The following ZNF438 variants were observed in gnomAD, a reference collection of about 807,000 sequenced individuals.
ZNF438 encodes zinc finger protein 438.
ZNF438 carries 25 observed loss-of-function variants against 38.0 expected under a neutral mutation model. The ratio of observed to expected loss-of-function variants is 0.66; its 90% CI spans 0.48 to 0.92. The LOEUF is 0.92. Ranked by LOEUF, ZNF438 falls within the 40% of genes least tolerant of loss-of-function variation. The pLI is 0.00. For missense variants in ZNF438, 1,007 were observed against 999.6 expected (o/e 1.01, Z -0.10); for synonymous variants, 372 against 364.1 (o/e 1.02, Z -0.25).
chr10:30,896,454 A>G (rs2041363627), intron 3 of ZNF438, among the ~76,000 whole-genome samples: 1 of 152,230 alleles, frequency 6.6e-6, no homozygotes. Flanking sequence ...ATATATACAT[A>G]CAATGGATTA....
At chr10:30,915,092 A>C (rs909122033) in intron 2 of ZNF438, among the ~76,000 whole-genome samples, 15 of 152,180 alleles carry the variant, frequency 9.9e-5, no homozygotes, top group Admixed American at 8.5e-4. Flanking sequence ...AAATATCATA[A>C]ATCATTTGAC....
intron 3 of ZNF438, among the ~76,000 whole-genome samples, chr10:30,891,472 T>G (rs890355380): frequency 7.9e-5 from 12 of 152,316 alleles, no homozygotes; most frequent in Non-Finnish European, 1.6e-4. Context: ...TAATTAAGTT[T>G]ATTTGATTTG....
chr10:30,872,425 CAAAAAAAAAAAAAA>C (rs566401687), intron 4 of ZNF438, among the ~76,000 whole-genome samples: 9 of 58,688 alleles, frequency 1.5e-4, no homozygotes, highest in South Asian at 7.6e-4. Context: ...GACTCTGTCT[CAAAAAAAAAAAAAA>C]AAAAAAAAAA....
rs963681683 is a variant in ZNF438 at position 30,859,330 on chromosome 10, A to C, written c.38-8963T>G. Among the ~76,000 whole-genome samples, 11 of 152,140 alleles carry C rather than the reference A, an allele frequency of 7.2e-5. 1 individual carries two copies. The highest frequency in any genetic ancestry group is 2.1e-4 in the South Asian group (1 of 4,820). On this transcript the variant is annotated intron_variant, in intron 4 of 5. Coordinates refer to ENST00000413025, the Ensembl canonical transcript of ZNF438. ...TGGACTTAAGCAATCCACCTGCCTCAGCCTCCCAAAGTGCTGTGATTACAG... is the reference window on the plus strand; with the variant it reads ...TGGACTTAAGCAATCCACCTGCCTCCGCCTCCCAAAGTGCTGTGATTACAG...
chr10:30,881,103 C>T (rs2039189768), intron 3 of ZNF438, among the ~76,000 whole-genome samples: 1 of 152,206 alleles, frequency 6.6e-6, no homozygotes. Flanking sequence ...ATTCTCACCA[C>T]TTCTATTCAA....
At chr10:31,009,842 C>CTTTTTTTTTT (rs34508005) in intron 1 of ZNF438, among the ~76,000 whole-genome samples, 1 of 116,312 alleles carries the variant, frequency 8.6e-6, no homozygotes, top group African/African-American at 3.2e-5. Context: ...CTTATCAATT[C>CTTTTTTTTTT]TTTTTTTTTT....
chr10:30,856,039 G>A (rs944634113), intron 4 of ZNF438, among the ~76,000 whole-genome samples: 1 of 152,198 alleles, frequency 6.6e-6, no homozygotes, highest in Non-Finnish European at 1.5e-5. Flanking sequence ...AGTTGAATCA[G>A]TTTTAAAAAG....
chr10:31,022,819 C>G (rs1455407299), intron 1 of ZNF438, among the ~76,000 whole-genome samples: 1 of 152,166 alleles, frequency 6.6e-6, no homozygotes, highest in Admixed American at 6.5e-5. Flanking sequence ...AGCATCTCGA[C>G]AACTATTTGA....
At position 30,929,333 on chromosome 10, in the gene ZNF438, C is replaced by T. The variant is rs149080298; in HGVS notation, c.-115+12242G>A. ...TGTTCAGATGTGTTCGGACTTCCTTCTGGTGGGTTCGTGGTCTGGCTGGTT... is the reference window on the plus strand; with the variant it reads ...TGTTCAGATGTGTTCGGACTTCCTTTTGGTGGGTTCGTGGTCTGGCTGGTT... On this transcript the variant is annotated intron_variant, in intron 2 of 5. Coordinates refer to ENST00000413025, the Ensembl canonical transcript of ZNF438. Among the ~76,000 whole-genome samples the T allele has an allele frequency of 7.7e-4, 117 of 152,264 alleles. 1 individual carries two copies. Among genetic ancestry groups the T allele is most frequent in the Non-Finnish European group, 1.3e-3 (91 of 68,032 alleles).
chr10:30,862,672 T>C (rs866314472), intron 4 of ZNF438, among the ~76,000 whole-genome samples: 16 of 152,306 alleles, frequency 1.1e-4, no homozygotes, highest in African/African-American at 3.8e-4. Flanking sequence ...TGACAGTTGG[T>C]GAAGAAAACC....
chr10:30,932,566 A>T (rs1160617797), intron 2 of ZNF438, among the ~76,000 whole-genome samples: 1 of 152,210 alleles, frequency 6.6e-6, no homozygotes, highest in Non-Finnish European at 1.5e-5. Context: ...AGCTTACCCA[A>T]GATCACATAG....
chr10:31,006,452 G>C (rs868162810), intron 1 of ZNF438, among the ~76,000 whole-genome samples: 1 of 152,152 alleles, frequency 6.6e-6, no homozygotes, highest in South Asian at 2.1e-4. Context: ...GGGAGGGCAA[G>C]GGAGTTCCTT....
chr10:30,849,594 T>C (rs2033132171), exon 5 of ZNF438: 1 of 1,614,050 alleles, frequency 6.2e-7, no homozygotes, highest in South Asian at 1.1e-5. Context: ...GGTGATAAAT[T>C]GGTCATGGTT....
At chr10:30,879,737 C>A (rs944952833) in intron 3 of ZNF438, among the ~76,000 whole-genome samples, 1 of 151,680 alleles carries the variant, frequency 6.6e-6, no homozygotes, top group African/African-American at 2.4e-5. Context: ...ATTAGCAAAT[C>A]TGAAGGCACA....
chr10:30,901,463 G>C (rs2041975418), intron 3 of ZNF438, among the ~76,000 whole-genome samples: 1 of 151,900 alleles, frequency 6.6e-6, no homozygotes, highest in East Asian at 1.9e-4. Flanking sequence ...TTGTTAGCTA[G>C]CCCTTTCCCA....
At chr10:30,870,342 G>A (rs1211819401) in intron 4 of ZNF438, among the ~76,000 whole-genome samples, 3 of 152,022 alleles carry the variant, frequency 2.0e-5, no homozygotes, top group African/African-American at 7.3e-5. Context: ...TCCCAGGTTA[G>A]GCAGAACAAG....
chr10:30,953,280 A>G lies in ZNF438; in HGVS notation c.-191-11629T>C, dbSNP rs2048440201. ...GGTGGGGGTAGAGGGGAGGGATAAC[A>G]TTGGGAGATATACCTAATGCTAGAT... On this transcript the variant is annotated intron_variant, in intron 1 of 5. Transcript: ENST00000413025. Among the ~76,000 whole-genome samples, 5 of 152,116 alleles carry G rather than the reference A, an allele frequency of 3.3e-5. No homozygotes were observed. In the South Asian group the frequency reaches 1.0e-3, roughly 32 times the overall value.
intron 2 of ZNF438, among the ~76,000 whole-genome samples, chr10:30,913,780 A>C (rs1488366219): frequency 6.6e-6 from 1 of 152,128 alleles, no homozygotes; most frequent in Non-Finnish European, 1.5e-5. Context: ...ACTAAATAGC[A>C]AATCTTCTGG....
intron 2 of ZNF438, among the ~76,000 whole-genome samples, chr10:30,939,863 G>A (rs2046635932): frequency 6.6e-6 from 1 of 152,196 alleles, no homozygotes; most frequent in African/African-American, 2.4e-5. Context: ...AGTGGTGCTG[G>A]TACCAGTGAG....
Sources: allele counts gnomAD v4.1 joint callset (sites outside exome capture counted in the v4.1 genomes callset), GRCh38; gene constraint gnomAD v4.1.1; transcripts MANE v1.5; gene names NCBI Gene and HGNC (gene_info 2026-07-23, HGNC 2026-07-21).